Variants in CLEC20A observed in about 807,000 individuals in gnomAD.
CLEC20A encodes C-type lectin domain containing 20A, also known as putative C-type lectin domain family 20 member A.
At chr1:178,493,946 T>C (rs1025532862) in intron 2 of CLEC20A, among the ~76,000 whole-genome samples, 10 of 152,272 alleles carry the variant, frequency 6.6e-5, no homozygotes, top group African/African-American at 2.2e-4. Flanking sequence ...ACACCCATTT[T>C]TTCTATTGAG....
At chr1:178,482,182 A>C in intron 7 of CLEC20A, 130 bp downstream of exon 7, 2 of 396,914 alleles carry the variant, frequency 5.0e-6, no homozygotes, top group Non-Finnish European at 8.9e-6. Flanking sequence ...CCATGAGCCA[A>C]AGTGATGGCA....
intron 7 of CLEC20A, 107 bp downstream of exon 7, chr1:178,482,205 G>A (rs1291577001): frequency 1.0e-5 from 4 of 396,858 alleles, no homozygotes; most frequent in African/African-American, 2.1e-5. Context: ...GGAACAAGAT[G>A]AGGTCATATT....
intron 7 of CLEC20A, chr1:178,481,988 C>T (rs1236717172): frequency 1.4e-5 from 3 of 216,082 alleles, no homozygotes; most frequent in African/African-American, 6.8e-5. Context: ...GACTAAGTTA[C>T]TTGCCCAAAG....
exon 4 of CLEC20A, chr1:178,490,196 G>A: frequency 2.5e-6 from 1 of 398,862 alleles, no homozygotes; most frequent in Non-Finnish European, 4.4e-6. Context: ...GCAGCCAGGA[G>A]GGGATGCTGG....
intron 3 of CLEC20A, among the ~76,000 whole-genome samples, chr1:178,490,760 G>A (rs1649250422): frequency 6.6e-6 from 1 of 152,192 alleles, no homozygotes; most frequent in Non-Finnish European, 1.5e-5. Flanking sequence ...CCTAAGGTCA[G>A]GATTACATGA....
chr1:178,478,886 G>A (rs909241947), downstream of CLEC20A: 10 of 152,118 alleles, frequency 6.6e-5, no homozygotes, highest in Non-Finnish European at 1.2e-4. Context: ...TTGACATATT[G>A]CTGTCTTCTA....
chr1:178,486,729 G>T (rs1013030683), intron 5 of CLEC20A: 62 of 397,860 alleles, frequency 1.6e-4, no homozygotes, highest in Admixed American at 1.8e-4. Context: ...CTTCCTGGGG[G>T]ACAGAGAGGC....
At chr1:178,491,879 C>T (rs72707035) in intron 3 of CLEC20A, among the ~76,000 whole-genome samples, 94 of 152,280 alleles carry the variant, frequency 6.2e-4, no homozygotes, top group Non-Finnish European at 1.2e-3. Flanking sequence ...CCACCCTGTC[C>T]CCAACCCCAG....
At chr1:178,486,150 C>T (rs1459322096) in intron 5 of CLEC20A, among the ~76,000 whole-genome samples, 1 of 152,206 alleles carries the variant, frequency 6.6e-6, no homozygotes, top group African/African-American at 2.4e-5. Context: ...CAGATCACCC[C>T]ACTTCACCTC....
At chr1:178,482,526 G>T (rs931907421) in intron 6 of CLEC20A, 129 bp from the exon 7 acceptor site, 1 of 396,258 alleles carries the variant, frequency 2.5e-6, no homozygotes, top group Non-Finnish European at 4.4e-6. Context: ...GAAGAAGAAA[G>T]AAACTGCTGA....
At chr1:178,493,779 C>T (rs1447051182) in intron 2 of CLEC20A, 1 of 152,268 alleles carries the variant, frequency 6.6e-6, no homozygotes, top group African/African-American at 2.4e-5. Context: ...GAGAAGAAGA[C>T]AGTGAATTCT....
At chr1:178,486,603 G>A (rs971799402) in intron 5 of CLEC20A, 26 of 398,518 alleles carry the variant, frequency 6.5e-5, no homozygotes, top group Non-Finnish European at 9.7e-5. Flanking sequence ...CCTGGGAGCC[G>A]AGGCCCCGGC....
chr1:178,496,522 G>A (rs1464940771), intron 1 of CLEC20A: 2 of 212,250 alleles, frequency 9.4e-6, no homozygotes, highest in Non-Finnish European at 1.8e-5. Flanking sequence ...GCCGCCCCCT[G>A]GTCCACAGAC....
intron 5 of CLEC20A, chr1:178,486,386 G>A (rs1649144787): frequency 7.5e-6 from 3 of 398,504 alleles, no homozygotes; most frequent in African/African-American, 4.1e-5. Flanking sequence ...AAGATGCTTG[G>A]GCCTGCCTGG....
intron 3 of CLEC20A, among the ~76,000 whole-genome samples, chr1:178,491,483 C>A (rs1649265422): frequency 6.6e-6 from 1 of 152,168 alleles, no homozygotes; most frequent in Non-Finnish European, 1.5e-5. Context: ...CTAGTATGTG[C>A]CAGCCCTGAG....
intron 7 of CLEC20A, chr1:178,481,473 G>A (rs570324314): frequency 1.3e-5 from 2 of 152,264 alleles, no homozygotes; most frequent in South Asian, 4.1e-4. Flanking sequence ...GACATTCTGT[G>A]GTTATTATCT....
chr1:178,494,845 C>A, intron 1 of CLEC20A, 35 bp from the exon 2 acceptor site: 1 of 399,048 alleles, frequency 2.5e-6, no homozygotes, highest in South Asian at 1.3e-4. Flanking sequence ...CATGGCTGTC[C>A]CCACCCCAGC....
Position 178,490,507 on chromosome 1 carries a change from C to A in CLEC20A, c.464-70G>T, listed in dbSNP as rs1054547663. ...CTCTGACAGCCCAGCCTTCATCACC[C>A]TTGGGGATAGAATTTTGGTCTGACA... On this transcript the variant is annotated intron_variant, in intron 3 of 7. Transcript: ENST00000623247. 7.5e-6 allele frequency: 3 copies of A among 397,954 alleles called. No individual in the cohort carries two copies. In the South Asian group the frequency reaches 4.1e-4, roughly 54 times the overall value. 24.7% of individuals were successfully genotyped at this position (397,954 alleles called of 1,614,324 possible). A position where few individuals can be genotyped will look rare whatever the true frequency, so the allele number is the denominator to read the frequency against.
chr1:178,489,268 C>G (rs1390373632), intron 4 of CLEC20A, among the ~76,000 whole-genome samples: 1 of 151,972 alleles, frequency 6.6e-6, no homozygotes, highest in Non-Finnish European at 1.5e-5. Context: ...GAGGCTGAAG[C>G]GTGAGAATTG....
Sources: allele counts gnomAD v4.1 joint callset (sites outside exome capture counted in the v4.1 genomes callset), GRCh38; gene constraint gnomAD v4.1.1; transcripts MANE v1.5; gene names NCBI Gene and HGNC (gene_info 2026-07-23, HGNC 2026-07-21).